The following SLC22A23 variants were observed in gnomAD, a reference collection of about 807,000 sequenced individuals.
SLC22A23 encodes ion transporter protein.
SLC22A23 carries 26 observed loss-of-function variants against 61.0 expected under a neutral mutation model. That is an observed-to-expected ratio of 0.43 (90% confidence interval 0.31 to 0.59). SLC22A23 has a LOEUF of 0.59. SLC22A23 is among the 20% of genes least tolerant of loss of function. SLC22A23 has a pLI of 0.11. For synonymous variants in SLC22A23, 430 were observed against 413.9 expected (o/e 1.04, Z -0.47); for missense variants, 796 against 934.7 (o/e 0.85, Z 1.94).
At chr6:3,277,136 G>T (rs115850320) in intron 9 of SLC22A23, among the ~76,000 whole-genome samples, 1 of 152,274 alleles carries the variant, frequency 6.6e-6, no homozygotes, top group Non-Finnish European at 1.5e-5. Context: ...CAGGGTCTAG[G>T]GGGCAGCTGG....
intron 5 of SLC22A23, chr6:3,291,414 A>G (rs1255172906): frequency 6.6e-6 from 1 of 152,248 alleles, no homozygotes; most frequent in East Asian, 1.9e-4. Flanking sequence ...TTGTTTTTGA[A>G]CTGAGTGTCA....
rs200757718 is a variant in SLC22A23, at chr6:3,402,878, G to A, written c.913+7310C>T. On this transcript the variant is annotated intron_variant, in intron 3 of 9. Coordinates refer to ENST00000406686, the MANE Select transcript of SLC22A23 (RefSeq NM_015482.2). ...ACCAACTGTCCATCCCCTGGCACCCGACAGGTCCTCACATGTTCATGGAGC... is the reference window on the plus strand; with the variant it reads ...ACCAACTGTCCATCCCCTGGCACCCAACAGGTCCTCACATGTTCATGGAGC... Among the ~76,000 whole-genome samples the A allele has an allele frequency of 1.2e-4, 19 of 152,326 alleles. No individual in the cohort carries two copies. The East Asian group carries it at 2.5e-3, about 20-fold the overall frequency.
At chr6:3,444,622 C>T (rs530578588) in intron 1 of SLC22A23, among the ~76,000 whole-genome samples, 10 of 152,370 alleles carry the variant, frequency 6.6e-5, no homozygotes, top group South Asian at 4.1e-4. Flanking sequence ...CCCACTCTCC[C>T]GGCCTTGGCT....
chr6:3,448,742 C>T (rs1020072944), intron 1 of SLC22A23, among the ~76,000 whole-genome samples: 2 of 152,206 alleles, frequency 1.3e-5, no homozygotes, highest in South Asian at 4.1e-4. Flanking sequence ...GATCCGCCCA[C>T]CTCGGCCTCC....
chr6:3,356,032 G>A (rs549401200), intron 3 of SLC22A23, among the ~76,000 whole-genome samples: 1 of 10,862 alleles, frequency 9.2e-5, no homozygotes, highest in East Asian at 1.9e-3. Context: ...CAAACGGGGT[G>A]GGGAGACTTG....
intron 1 of SLC22A23, among the ~76,000 whole-genome samples, chr6:3,455,405 C>T (rs1179195721): frequency 6.6e-6 from 1 of 152,244 alleles, no homozygotes; most frequent in Non-Finnish European, 1.5e-5. Flanking sequence ...TTGGGGAGGA[C>T]TAAGCATCGG....
chr6:3,358,114 G>A (rs539999180), intron 3 of SLC22A23, among the ~76,000 whole-genome samples: 1 of 152,162 alleles, frequency 6.6e-6, no homozygotes, highest in Non-Finnish European at 1.5e-5. Context: ...TTTAAACACT[G>A]TTGGTAGGGA....
rs1764214028 is a variant in SLC22A23 at position 3,342,664 on chromosome 6, GCA to G, written c.914-18664_914-18663del. ...GAGGAGCTTTTGCCGTCAAATGTCAGCAAAATTGCTGGGATTTCTCATCTGCC... is the reference window on the plus strand; with the variant it reads ...GAGGAGCTTTTGCCGTCAAATGTCAGAAATTGCTGGGATTTCTCATCTGCC... On this transcript the variant is annotated intron_variant, in intron 3 of 9. Transcript: ENST00000406686. This position sits in a 1 kb window ranked among gnomAD's most constrained non-coding sequence, Gnocchi z 4.0. Among the ~76,000 whole-genome samples, 1 of 152,174 alleles carries G rather than the reference GCA, an allele frequency of 6.6e-6. No homozygotes were observed. Among genetic ancestry groups the G allele is most frequent in the Non-Finnish European group, 1.5e-5 (1 of 68,032 alleles).
Position 3,308,231 on chromosome 6 carries a change from G to A in SLC22A23, c.1083-10013C>T, listed in dbSNP as rs112096839. Among the ~76,000 whole-genome samples, 2,232 of 152,032 alleles carry A rather than the reference G, an allele frequency of 0.015. 50 individuals carry two copies. Among genetic ancestry groups the A allele is most frequent in the African/African-American group, 0.051 (2,119 of 41,326 alleles). On this transcript the variant is annotated intron_variant, in intron 4 of 9. Coordinates refer to ENST00000406686, the MANE Select transcript of SLC22A23 (RefSeq NM_015482.2). The surrounding 1 kb of genome is among the most constrained non-coding windows in gnomAD (Gnocchi z 5.1). The stretch of plus-strand genomic sequence containing the variant: ...TAAAAGAAAATATTACAGAGAAGAC[G>A]AAAGCCCCCCCATACCGCTCACCCC...
chr6:3,335,266 C>A (rs1763787070), intron 3 of SLC22A23, among the ~76,000 whole-genome samples: 1 of 152,180 alleles, frequency 6.6e-6, no homozygotes, highest in Non-Finnish European at 1.5e-5. Context: ...GGTGCATTCT[C>A]AGCAGCGGCG....
In SLC22A23 at chr6:3,386,352, AAGG is replaced by A. The variant is rs973803950; in HGVS notation, c.913+23833_913+23835del. On this transcript the variant is annotated intron_variant, in intron 3 of 9. Transcript: ENST00000406686. The surrounding 1 kb of genome is among the most constrained non-coding windows in gnomAD (Gnocchi z 4.4). Reference sequence around the variant, plus strand: ...CAGACAAGCCTCAGGCTGGAGAGCGAAGGAGAAGGGAGAGCACGCTTGCTCTGT... The same window carrying A: ...CAGACAAGCCTCAGGCTGGAGAGCGAAGAAGGGAGAGCACGCTTGCTCTGT... Among the ~76,000 whole-genome samples, 14 of 152,180 alleles carry A rather than the reference AAGG, an allele frequency of 9.2e-5. No individual in the cohort carries two copies. Among genetic ancestry groups the A allele is most frequent in the African/African-American group, 3.1e-4 (13 of 41,440 alleles).
At chr6:3,312,425 T>C (rs1310503398) in intron 4 of SLC22A23, 1 of 152,126 alleles carries the variant, frequency 6.6e-6, no homozygotes, top group Non-Finnish European at 1.5e-5. Flanking sequence ...TGTAAAACAG[T>C]GTGAGGAGGT....
intron 3 of SLC22A23, among the ~76,000 whole-genome samples, chr6:3,346,589 C>A (rs546984927): frequency 3.9e-5 from 6 of 152,340 alleles, no homozygotes; most frequent in Non-Finnish European, 7.3e-5. Context: ...GCTCTTTAAA[C>A]CCTTGTGTTG....
At chr6:3,409,803 G>A (rs987823304) in intron 3 of SLC22A23, among the ~76,000 whole-genome samples, 1 of 152,218 alleles carries the variant, frequency 6.6e-6, no homozygotes, top group Non-Finnish European at 1.5e-5. Flanking sequence ...CTGTGGACAT[G>A]AGAATGTGGA....
At chr6:3,370,450 C>T (rs1766141479) in intron 3 of SLC22A23, among the ~76,000 whole-genome samples, 1 of 152,266 alleles carries the variant, frequency 6.6e-6, no homozygotes, top group Admixed American at 6.5e-5. Context: ...GCAAGGCTCA[C>T]TCGCACTGGA....
intron 3 of SLC22A23, among the ~76,000 whole-genome samples, chr6:3,352,264 CA>C (rs1764814954): frequency 2.3e-5 from 3 of 131,762 alleles, no homozygotes; most frequent in Admixed American, 7.2e-5. Flanking sequence ...CATACACACA[CA>C]GACATGCACA....
chr6:3,430,387 C>T (rs750634697), intron 1 of SLC22A23, among the ~76,000 whole-genome samples: 15 of 152,138 alleles, frequency 9.9e-5, no homozygotes, highest in Non-Finnish European at 1.9e-4. Flanking sequence ...TGACTTCTCA[C>T]ATGTTCAAGG....
chr6:3,380,122 T>C (rs1486705576), intron 3 of SLC22A23, among the ~76,000 whole-genome samples: 1 of 152,174 alleles, frequency 6.6e-6, no homozygotes, highest in African/African-American at 2.4e-5. Flanking sequence ...AGAATATGAA[T>C]TCTAAGCCAG....
intron 3 of SLC22A23, among the ~76,000 whole-genome samples, chr6:3,394,633 C>A (rs919020744): frequency 6.6e-6 from 1 of 152,078 alleles, no homozygotes; most frequent in South Asian, 2.1e-4. Context: ...CCAGAGTGAT[C>A]CCCCCCAAAC....
Sources: gnomAD v4.1 joint callset for allele counts (sites outside exome capture counted in the v4.1 genomes callset) on GRCh38, gnomAD v4.1.1 for gene constraint, Gnocchi (gnomAD v3.1) non-coding constraint, MANE v1.5 for transcripts, NCBI Gene and HGNC (gene_info 2026-07-23, HGNC 2026-07-21) for gene names.